ZFHX3: variants seen among roughly 807,000 people sequenced by gnomAD.
ZFHX3 encodes zinc finger homeobox protein 3.
Under a neutral mutation model 279.1 loss-of-function variants are expected in ZFHX3, and 42 were observed. The ratio of observed to expected loss-of-function variants is 0.15; its 90% CI spans 0.12 to 0.19. The LOEUF (loss-of-function observed/expected upper bound fraction) is 0.19, where lower values mean the gene tolerates loss of function less well. ZFHX3 is among the 10% of genes least tolerant of loss of function. The pLI, the probability that ZFHX3 is intolerant of heterozygous loss-of-function variation, is 1.00. For missense variants in ZFHX3, 4,981 were observed against 4,754.0 expected (o/e 1.05, Z -1.40); for synonymous variants, 2,293 against 1,957.8 (o/e 1.17, Z -4.52).
At chr16:73,758,438 G>A (rs1004603185) in intron 1 of ZFHX3, among the ~76,000 whole-genome samples, 4 of 152,196 alleles carry the variant, frequency 2.6e-5, no homozygotes, top group Non-Finnish European at 5.9e-5. Context: ...GTTAGGAGAT[G>A]TGCAACCCAG....
At chr16:73,686,847 G>A (rs1485399311) in intron 1 of ZFHX3, among the ~76,000 whole-genome samples, 1 of 151,542 alleles carries the variant, frequency 6.6e-6, no homozygotes, top group Non-Finnish European at 1.5e-5. Flanking sequence ...AAGGAAAGGA[G>A]CATAACACAG....
At chr16:72,838,128 C>T (rs1323135799) in intron 4 of ZFHX3, among the ~76,000 whole-genome samples, 2 of 151,290 alleles carry the variant, frequency 1.3e-5, no homozygotes, top group Non-Finnish European at 2.9e-5. Flanking sequence ...CGCCCCCACC[C>T]TGACCCCGTT....
At chr16:73,670,837 A>G (rs1025429914) in intron 2 of ZFHX3, among the ~76,000 whole-genome samples, 3 of 152,196 alleles carry the variant, frequency 2.0e-5, no homozygotes, top group African/African-American at 7.2e-5. Flanking sequence ...AGTAAAGAGT[A>G]GCATCCAGCC....
Position 72,950,882 on chromosome 16 carries a change from T to C in ZFHX3, c.2803A>G (p.Ile935Val). ...EELMNLGESFIQTNDPSLKLF... is the reference protein window; with the variant it reads ...EELMNLGESFVQTNDPSLKLF... Reference sequence around the variant, plus strand: ...TTCAGCGACGGGTCGTTGGTCTGGATGAAGCTCTCGCCCAGGTTCATCAGC... The same window carrying C: ...TTCAGCGACGGGTCGTTGGTCTGGACGAAGCTCTCGCCCAGGTTCATCAGC... The change falls in exon 3 of 10, where the codon ATC becomes GTC. Residue 935 changes from isoleucine (I) to valine (V), a missense_variant. Coordinates refer to ENST00000268489, the MANE Select transcript of ZFHX3 (RefSeq NM_006885.4). 1.2e-6 allele frequency: 2 copies of C among 1,614,026 alleles called. No individual in the cohort carries two copies. Among genetic ancestry groups the C allele is most frequent in the Non-Finnish European group, 1.7e-6 (2 of 1,180,034 alleles).
intron 5 of ZFHX3, among the ~76,000 whole-genome samples, chr16:73,252,407 A>C (rs1469836447): frequency 6.6e-6 from 1 of 152,178 alleles, no homozygotes; most frequent in Admixed American, 6.5e-5. Flanking sequence ...CAGGTAGAGC[A>C]GTGGGTATGG....
At chr16:72,818,726 C>T (rs1033730621) in intron 5 of ZFHX3, among the ~76,000 whole-genome samples, 1 of 152,222 alleles carries the variant, frequency 6.6e-6, no homozygotes, top group African/African-American at 2.4e-5. Context: ...TCTGTCTCAA[C>T]ATCCAGCCTG....
chr16:73,555,067 T>C (rs997411209), intron 2 of ZFHX3, among the ~76,000 whole-genome samples: 6 of 152,174 alleles, frequency 3.9e-5, no homozygotes, highest in Non-Finnish European at 8.8e-5. Flanking sequence ...AAGAATCTGC[T>C]AGCTTTGGGA....
At chr16:73,845,470 A>G (rs1250830099) in intron 1 of ZFHX3, among the ~76,000 whole-genome samples, 1 of 152,086 alleles carries the variant, frequency 6.6e-6, no homozygotes, top group Non-Finnish European at 1.5e-5. Context: ...GTGTCCAGTT[A>G]TCTAGGTGGC....
intron 5 of ZFHX3, among the ~76,000 whole-genome samples, chr16:73,207,042 AT>A (rs2011835348): frequency 1.3e-5 from 2 of 150,994 alleles, no homozygotes; most frequent in Non-Finnish European, 2.9e-5. Context: ...AAATAAATAA[AT>A]AAATAAATAA....
rs60003447 is a variant in ZFHX3 at position 73,854,727 on chromosome 16, CAAAAAAAA to C, written c.-1608+36916_-1608+36923del. 7.4e-4 allele frequency among the ~76,000 whole-genome samples: 44 copies of C among 59,526 alleles called. No homozygotes were observed. In the South Asian group the frequency reaches 0.014, roughly 19 times the overall value. The allele number at this position is 59,526 out of a possible 152,430, so 39.1% of individuals were successfully genotyped here. A position where few individuals can be genotyped will look rare whatever the true frequency, so the allele number is the denominator to read the frequency against. On this transcript the variant is annotated intron_variant, in intron 1 of 17. Transcript: ENST00000641206. ...AAAGAAACTTATCTCCCACCTTCCA[CAAAAAAAA>C]AAAAAAAAAAAAAAAAGATGAAACA...
chr16:73,878,166 A>C (rs1483560094), intron 1 of ZFHX3, among the ~76,000 whole-genome samples: 1 of 151,824 alleles, frequency 6.6e-6, no homozygotes, highest in Admixed American at 6.6e-5. Context: ...AGCAATGACA[A>C]CTCTTGCTGG....
intron 1 of ZFHX3, among the ~76,000 whole-genome samples, chr16:73,883,643 G>T (rs1485670302): frequency 1.3e-5 from 2 of 151,790 alleles, no homozygotes; most frequent in African/African-American, 2.4e-5. Context: ...AAAACAAACA[G>T]ACATGTTTTG....
intron 1 of ZFHX3, among the ~76,000 whole-genome samples, chr16:73,767,294 C>G (rs935970290): frequency 2.6e-5 from 4 of 152,136 alleles, no homozygotes; most frequent in African/African-American, 9.7e-5. Flanking sequence ...CCTAATATAT[C>G]ACTCTCCTTG....
intron 5 of ZFHX3, among the ~76,000 whole-genome samples, chr16:73,225,433 T>A (rs1400391788): frequency 2.0e-5 from 3 of 151,784 alleles, no homozygotes; most frequent in Non-Finnish European, 4.4e-5. Flanking sequence ...CTGGGCAACA[T>A]AGGGAGATCT....
At chr16:73,093,528 G>A (rs577081342) in exon 8 of ZFHX3, 7 of 507,008 alleles carry the variant, frequency 1.4e-5, no homozygotes, top group African/African-American at 1.2e-4. Context: ...GTCCACTCTC[G>A]GGCTGTCACA....
intron 1 of ZFHX3, among the ~76,000 whole-genome samples, chr16:73,032,514 G>A (rs1340414959): frequency 2.6e-5 from 4 of 152,074 alleles, no homozygotes; most frequent in Admixed American, 2.0e-4. Flanking sequence ...GAGCGCATGC[G>A]ACAAAGTAAC....
chr16:73,210,539 G>A (rs113203554), intron 5 of ZFHX3, among the ~76,000 whole-genome samples: 24 of 152,220 alleles, frequency 1.6e-4, no homozygotes, highest in African/African-American at 5.3e-4. Context: ...GCTGTTTTAG[G>A]GTTGCTGTAG....
intron 5 of ZFHX3, among the ~76,000 whole-genome samples, chr16:73,216,363 T>A (rs1467113046): frequency 6.6e-6 from 1 of 152,224 alleles, no homozygotes; most frequent in African/African-American, 2.4e-5. Context: ...TCAGTTTCTC[T>A]GCAAATCCTT....
In ZFHX3 at chr16:73,889,737, C is replaced by A. The variant is rs543665146; in HGVS notation, c.-1608+1914G>T. Among the ~76,000 whole-genome samples, 29 of 152,298 alleles carry A rather than the reference C, an allele frequency of 1.9e-4. No individual in the cohort carries two copies. The South Asian group carries it at 5.8e-3, about 30-fold the overall frequency. On this transcript the variant is annotated intron_variant, in intron 1 of 17. Transcript: ENST00000641206. ...ACAGGAGCTATTCTCTGTGCCCTCA[C>A]CCTTCTCCTGAGTGCAGGTTTTCTT...
Sources: gnomAD v4.1 joint callset for allele counts (sites outside exome capture counted in the v4.1 genomes callset) on GRCh38, gnomAD v4.1.1 for gene constraint, MANE v1.5 for transcripts, NCBI Gene and HGNC (gene_info 2026-07-23, HGNC 2026-07-21) for gene names.